Variants in AGMO observed in about 807,000 individuals in gnomAD.
The protein encoded by AGMO is glyceryl-ether monooxygenase.
In AGMO, 75 loss-of-function variants were observed where a neutral mutation model predicts 60.2. The ratio of observed to expected loss-of-function variants is 1.25; its 90% CI spans 1.03 to 1.51. AGMO has a LOEUF of 1.51. Among genes scored for constraint, AGMO ranks in the 40% most tolerant of loss-of-function variants. The probability of loss-of-function intolerance (pLI) is 0.00; values close to 1 mark genes in which losing one functional copy is unlikely to be tolerated. For synonymous variants in AGMO, 261 were observed against 177.1 expected (o/e 1.47, Z -3.76); for missense variants, 763 against 525.5 (o/e 1.45, Z -4.42).
At chr7:15,280,296 G>A (rs1479327232) in intron 12 of AGMO, among the ~76,000 whole-genome samples, 2 of 152,140 alleles carry the variant, frequency 1.3e-5, no homozygotes, top group East Asian at 3.9e-4. Context: ...CAAATGCATG[G>A]AAGCTGGGTG....
At chr7:15,198,346 CTG>C (rs1781189758), downstream of AGMO, among the ~76,000 whole-genome samples, 1 of 151,406 alleles carries the variant, frequency 6.6e-6, no homozygotes, top group African/African-American at 2.4e-5. Context: ...TTAATAATAG[CTG>C]TATGTTCTGT....
chr7:15,234,914 C>T (rs1308380707), intron 12 of AGMO, among the ~76,000 whole-genome samples: 1 of 152,098 alleles, frequency 6.6e-6, no homozygotes, highest in Non-Finnish European at 1.5e-5. Context: ...TGATTTACAA[C>T]ATAAATTTAT....
chr7:15,289,865 C>T lies in AGMO; in HGVS notation c.1263+75649G>A, dbSNP rs116010622. Among the ~76,000 whole-genome samples the T allele has an allele frequency of 9.2e-3, 1,382 of 150,884 alleles. 18 individuals carry two copies. Among genetic ancestry groups the T allele is most frequent in the African/African-American group, 0.032 (1,320 of 40,984 alleles). On this transcript the variant is annotated intron_variant, in intron 12 of 12. Transcript: ENST00000342526. Reference sequence around the variant, plus strand: ...TTCTCTTGGGTAGGGATCTACATGCCTAATTCTTTGTCTTAATTTTTCACT... The same window carrying T: ...TTCTCTTGGGTAGGGATCTACATGCTTAATTCTTTGTCTTAATTTTTCACT...
chr7:15,246,853 T>C (rs1226148780), intron 12 of AGMO, among the ~76,000 whole-genome samples: 2 of 152,138 alleles, frequency 1.3e-5, no homozygotes, highest in African/African-American at 4.8e-5. Flanking sequence ...AGTTAAATTC[T>C]CCTATTTTCT....
At chr7:15,437,821 T>C (rs561018271) in intron 3 of AGMO, among the ~76,000 whole-genome samples, 3 of 152,338 alleles carry the variant, frequency 2.0e-5, no homozygotes, top group African/African-American at 7.2e-5. Context: ...ATTACAGGCG[T>C]GAGCCACTGC....
chr7:15,330,417 G>A (rs985411715), intron 12 of AGMO, among the ~76,000 whole-genome samples: 3 of 152,118 alleles, frequency 2.0e-5, no homozygotes, highest in African/African-American at 7.2e-5. Flanking sequence ...CTGCTTCTCT[G>A]CTAATTTCAC....
chr7:15,326,773 C>CTTTA (rs1264310104), intron 12 of AGMO, among the ~76,000 whole-genome samples: 1 of 152,026 alleles, frequency 6.6e-6, no homozygotes, highest in East Asian at 1.9e-4. Flanking sequence ...TTTGTTTCAT[C>CTTTA]TTTAGGCCTC....
At chr7:15,242,005 C>T (rs1782606240) in intron 12 of AGMO, among the ~76,000 whole-genome samples, 1 of 152,138 alleles carries the variant, frequency 6.6e-6, no homozygotes, top group Non-Finnish European at 1.5e-5. Flanking sequence ...AAGTATGCCA[C>T]ATGGAATACT....
chr7:15,117,399 T>C, the AGMO span, among the ~76,000 whole-genome samples: 1 of 152,174 alleles, frequency 6.6e-6, no homozygotes, highest in South Asian at 2.1e-4. Flanking sequence ...TTTAGGGTAA[T>C]ATTCTACACC....
chr7:15,205,458 G>C (rs1015490366), intron 12 of AGMO, among the ~76,000 whole-genome samples: 1 of 152,054 alleles, frequency 6.6e-6, no homozygotes, highest in African/African-American at 2.4e-5. Flanking sequence ...GATTAAAATA[G>C]AAAACATTCA....
At chr7:15,353,320 GC>G (rs1216140859) in intron 12 of AGMO, among the ~76,000 whole-genome samples, 1 of 152,174 alleles carries the variant, frequency 6.6e-6, no homozygotes, top group Non-Finnish European at 1.5e-5. Context: ...AACAAGCCAT[GC>G]AGAAAGCTGG....
At chr7:15,180,685 T>C in the AGMO span, among the ~76,000 whole-genome samples, 1 of 152,228 alleles carries the variant, frequency 6.6e-6, no homozygotes, top group Non-Finnish European at 1.5e-5. Context: ...TCTTCCAGTC[T>C]CTATTCATTA....
chr7:15,435,311 T>C (rs898996669), intron 3 of AGMO, among the ~76,000 whole-genome samples: 8 of 142,186 alleles, frequency 5.6e-5, no homozygotes, highest in African/African-American at 1.9e-4. Flanking sequence ...AAAGTGGCTG[T>C]GCCTTTTTTT....
chr7:15,550,057 T>G (rs1414043073), intron 2 of AGMO, among the ~76,000 whole-genome samples: 10 of 152,294 alleles, frequency 6.6e-5, no homozygotes, highest in South Asian at 2.1e-4. Flanking sequence ...AACCTGCTCC[T>G]GAATGACTAC....
intron 12 of AGMO, among the ~76,000 whole-genome samples, chr7:15,273,380 A>G (rs1783676382): frequency 1.3e-5 from 2 of 152,226 alleles, no homozygotes; most frequent in African/African-American, 4.8e-5. Flanking sequence ...TTTATTAAAT[A>G]GAGAATCCTT....
intron 12 of AGMO, among the ~76,000 whole-genome samples, chr7:15,312,335 C>A (rs1780791194): frequency 6.6e-6 from 1 of 151,950 alleles, no homozygotes; most frequent in African/African-American, 2.4e-5. Context: ...ATTAAAACAA[C>A]AAAACACTAA....
chr7:15,537,506 T>C (rs572430699), intron 3 of AGMO, among the ~76,000 whole-genome samples: 2 of 152,300 alleles, frequency 1.3e-5, no homozygotes, highest in African/African-American at 4.8e-5. Context: ...TGATTTAATT[T>C]TGATTACTCA....
intron 3 of AGMO, among the ~76,000 whole-genome samples, chr7:15,489,685 C>T (rs529209090): frequency 2.0e-5 from 3 of 152,162 alleles, no homozygotes; most frequent in Admixed American, 6.5e-5. Context: ...CACAAAGTCC[C>T]CAGTTGAAAT....
chr7:15,266,366 T>G lies in AGMO; in HGVS notation c.1264-65007A>C, dbSNP rs554632648. On this transcript the variant is annotated intron_variant, in intron 12 of 12. Coordinates refer to ENST00000342526, the MANE Select transcript of AGMO (RefSeq NM_001004320.2). ...AAACAAAAATTGTCAAGATGGTATT[T>G]TTATGATATGCATATTTTACTGCAA... Among the ~76,000 whole-genome samples, 172 of 152,052 alleles carry G rather than the reference T, an allele frequency of 1.1e-3. 1 individual carries two copies. In the South Asian group the frequency reaches 0.02, roughly 18 times the overall value.
Sources: gnomAD v4.1 joint callset for allele counts (sites outside exome capture counted in the v4.1 genomes callset) on GRCh38, gnomAD v4.1.1 for gene constraint, MANE v1.5 for transcripts, NCBI Gene and HGNC (gene_info 2026-07-23, HGNC 2026-07-21) for gene names.